NOX5: variants seen among roughly 807,000 people sequenced by gnomAD.
The protein encoded by NOX5 is NADPH oxidase, EF-hand calcium binding domain 5.
In NOX5, 76 loss-of-function variants were observed where a neutral mutation model predicts 85.7. That is an observed-to-expected ratio of 0.89 (90% confidence interval 0.74 to 1.07). NOX5 has a LOEUF of 1.07. NOX5 is among the 50% of genes least tolerant of loss of function. The probability of loss-of-function intolerance (pLI) is 0.00; values close to 1 mark genes in which losing one functional copy is unlikely to be tolerated. For missense variants in NOX5, 973 were observed against 999.5 expected (o/e 0.97, Z 0.36); for synonymous variants, 405 against 401.4 (o/e 1.01, Z -0.11).
intron 1 of NOX5, among the ~76,000 whole-genome samples, chr15:69,021,819 T>C (rs1388283898): frequency 6.6e-6 from 1 of 152,248 alleles, no homozygotes; most frequent in East Asian, 1.9e-4. Flanking sequence ...TTATCCTTAA[T>C]CATGCTTTTC....
intron 6 of NOX5, 89 bp from the exon 7 acceptor site, chr15:69,035,669 C>G: frequency 5.7e-6 from 9 of 1,568,776 alleles, no homozygotes; most frequent in Non-Finnish European, 7.8e-6. Context: ...GTGCTAGTAT[C>G]TGATGGTGCA....
chr15:69,051,902 C>T (rs1025645664), intron 14 of NOX5, among the ~76,000 whole-genome samples: 2 of 151,742 alleles, frequency 1.3e-5, no homozygotes, highest in African/African-American at 4.8e-5. Flanking sequence ...ACTGTTTGGT[C>T]CCTTCTTTTA....
intron 6 of NOX5, 61 bp from the exon 7 acceptor site, chr15:69,035,697 G>C (rs1306824831): frequency 6.3e-7 from 1 of 1,587,598 alleles, no homozygotes; most frequent in East Asian, 2.2e-5. Context: ...GATCCCAATG[G>C]GAAGGTGGAG....
At position 69,056,742 on chromosome 15, in the gene NOX5, T is replaced by C. The variant is rs1269735825; in HGVS notation, c.*46T>C. On this transcript the variant is annotated 3_prime_UTR_variant, in exon 16 of 16. Transcript: ENST00000388866. ...CCCCAAGTCCACACCATGGGTCTGC[T>C]TCATTGCATTAGTATAAATGCCCCC... is the stretch of plus-strand genomic sequence containing the variant. 4 of 1,605,406 alleles carry C rather than the reference T, an allele frequency of 2.5e-6. 1 individual carries two copies. In the South Asian group the frequency reaches 3.4e-5, roughly 13 times the overall value.
rs1021166121 is a variant in NOX5 at position 69,059,469 on chromosome 15, A to G, written c.*2773A>G. On this transcript the variant is annotated 3_prime_UTR_variant, in exon 16 of 16. Coordinates refer to ENST00000388866, the MANE Select transcript of NOX5 (RefSeq NM_024505.4). ...CAGTTTCTCTAGCTGGCAGCTTCTC[A>G]CTGCCGCTGCCTTCCCCCAGAAACT... The G allele has an allele frequency of 6.6e-6, 1 of 152,190 alleles. No individual in the cohort carries two copies. Among genetic ancestry groups the G allele is most frequent in the African/African-American group, 2.4e-5 (1 of 41,450 alleles). The allele number at this position is 152,190 out of a possible 1,614,324, so 9.4% of individuals were successfully genotyped here. A position where few individuals can be genotyped will look rare whatever the true frequency, so the allele number is the denominator to read the frequency against.
chr15:69,055,209 A>G, intron 14 of NOX5, 125 bp from the exon 15 acceptor site: 1 of 1,029,602 alleles, frequency 9.7e-7, no homozygotes, highest in Non-Finnish European at 1.4e-6. Context: ...GTTACACAAC[A>G]GATCCTGGGC....
chr15:69,022,824 G>A (rs1210992105), intron 1 of NOX5: 5 of 294,886 alleles, frequency 1.7e-5, no homozygotes, highest in Admixed American at 5.0e-5. Flanking sequence ...GCCTATTACT[G>A]ATCCTCTCAT....
chr15:69,027,308 C>T (rs1429625897), intron 2 of NOX5, among the ~76,000 whole-genome samples: 1 of 152,142 alleles, frequency 6.6e-6, no homozygotes, highest in Non-Finnish European at 1.5e-5. Flanking sequence ...ATCCCATTCT[C>T]CCTAATGATA....
At chr15:69,019,693 C>T (rs1414069872) in intron 1 of NOX5, among the ~76,000 whole-genome samples, 1 of 152,228 alleles carries the variant, frequency 6.6e-6, no homozygotes, top group African/African-American at 2.4e-5. Flanking sequence ...TCAATTCACA[C>T]CTATTATAGA....
At chr15:69,022,894 T>C (rs1029148179) in intron 1 of NOX5, 5 of 448,260 alleles carry the variant, frequency 1.1e-5, no homozygotes, top group Non-Finnish European at 2.2e-5. Context: ...GCTGACCTTT[T>C]TGCTCCTGAA....
chr15:69,047,319 A>ATG, intron 11 of NOX5, 94 bp from the exon 12 acceptor site: 2 of 1,447,126 alleles, frequency 1.4e-6, no homozygotes, highest in Non-Finnish European at 9.1e-7. Flanking sequence ...TTCTATATAT[A>ATG]AAGGGGGTTC....
intron 1 of NOX5, among the ~76,000 whole-genome samples, chr15:69,015,935 G>A (rs1332890752): frequency 1.3e-5 from 2 of 150,442 alleles, no homozygotes; most frequent in Non-Finnish European, 3.0e-5. Flanking sequence ...GTGGGGAGAA[G>A]TGTGTGGGGC....
intron 10 of NOX5, among the ~76,000 whole-genome samples, chr15:69,045,584 T>C (rs1367517210): frequency 8.3e-6 from 1 of 121,118 alleles, no homozygotes; most frequent in African/African-American, 2.8e-5. Context: ...TTTCTTTCTT[T>C]TCTTTCTTTC....
chr15:69,053,343 A>G (rs2050772197), intron 14 of NOX5, among the ~76,000 whole-genome samples: 1 of 152,224 alleles, frequency 6.6e-6, no homozygotes, highest in South Asian at 2.1e-4. Context: ...CATCTGCAGA[A>G]CACATAGAAC....
At chr15:69,037,320 G>A in intron 8 of NOX5, 110 bp downstream of exon 8, 1 of 1,099,258 alleles carries the variant, frequency 9.1e-7, no homozygotes, top group Non-Finnish European at 1.3e-6. Context: ...AGAGAATAGT[G>A]TAGCTGCAGC....
chr15:69,016,841 T>G (rs904774357), intron 1 of NOX5, among the ~76,000 whole-genome samples: 1 of 151,964 alleles, frequency 6.6e-6, no homozygotes, highest in East Asian at 1.9e-4. Context: ...AAAACATATA[T>G]TTGTAAACCA....
chr15:69,046,370 T>G (rs563685364), intron 10 of NOX5: 115 of 158,164 alleles, frequency 7.3e-4, no homozygotes, highest in African/African-American at 2.7e-3. Context: ...AAGGATACAG[T>G]GTACACTGAC....
chr15:69,050,521 G>A (rs2050734846), intron 14 of NOX5, among the ~76,000 whole-genome samples: 2 of 152,266 alleles, frequency 1.3e-5, no homozygotes, highest in South Asian at 4.1e-4. Context: ...CTCCCAAGTA[G>A]CTGGGATTAC....
chr15:69,040,853 T>C (rs1309350451), intron 9 of NOX5, among the ~76,000 whole-genome samples: 2 of 152,064 alleles, frequency 1.3e-5, no homozygotes, highest in Non-Finnish European at 2.9e-5. Context: ...AATTTTTTTG[T>C]ATTTTTGTAT....
Sources: gnomAD v4.1 joint callset for allele counts (sites outside exome capture counted in the v4.1 genomes callset) on GRCh38, gnomAD v4.1.1 for gene constraint, MANE v1.5 for transcripts, NCBI Gene and HGNC (gene_info 2026-07-23, HGNC 2026-07-21) for gene names.